SNX18: variants seen among roughly 807,000 people sequenced by gnomAD.
SNX18 encodes the protein sorting nexin 18.
SNX18 carries 35 observed loss-of-function variants against 48.7 expected under a neutral mutation model. The observed-to-expected ratio is 0.72, with a 90% CI of 0.55 to 0.95. The LOEUF (loss-of-function observed/expected upper bound fraction) is 0.95. SNX18 is among the 40% of genes least tolerant of loss of function. The probability of loss-of-function intolerance (pLI) is 0.00; values close to 1 mark genes in which losing one functional copy is unlikely to be tolerated. For synonymous variants in SNX18, 492 were observed against 384.7 expected (o/e 1.28, Z -3.26); for missense variants, 824 against 871.0 (o/e 0.95, Z 0.68).
chr5:54,524,332 C>G (rs1580095591), intron 1 of SNX18, among the ~76,000 whole-genome samples: 1 of 152,152 alleles, frequency 6.6e-6, no homozygotes, highest in Non-Finnish European at 1.5e-5. Flanking sequence ...AGCCACATAG[C>G]CTTCAGAGTC....
At chr5:54,561,768 T>C in the SNX18 span, among the ~76,000 whole-genome samples, 5 of 152,254 alleles carry the variant, frequency 3.3e-5, no homozygotes, top group Non-Finnish European at 5.9e-5. Flanking sequence ...ATGTTTGTTA[T>C]GTAGAAATAA....
chr5:54,561,729 T>C, the SNX18 span, among the ~76,000 whole-genome samples: 1 of 152,208 alleles, frequency 6.6e-6, no homozygotes, highest in Non-Finnish European at 1.5e-5. Context: ...TGCTGACATA[T>C]ACATTATGTG....
the SNX18 span, among the ~76,000 whole-genome samples, chr5:54,626,614 G>A: frequency 6.6e-6 from 1 of 152,192 alleles, no homozygotes; most frequent in South Asian, 2.1e-4. Context: ...CTCAACCAGG[G>A]ATAATTTTGC....
chr5:54,557,863 C>T, the SNX18 span, among the ~76,000 whole-genome samples: 1 of 152,226 alleles, frequency 6.6e-6, no homozygotes, highest in East Asian at 1.9e-4. Context: ...CTGTGTTGGA[C>T]GCTCCCATGT....
At chr5:54,529,352 A>T (rs1345263026) in intron 1 of SNX18, among the ~76,000 whole-genome samples, 1 of 152,172 alleles carries the variant, frequency 6.6e-6, no homozygotes, top group Non-Finnish European at 1.5e-5. Context: ...CACGGGCCAG[A>T]TTCACCCAGG....
the SNX18 span, among the ~76,000 whole-genome samples, chr5:54,639,749 G>A: frequency 1.3e-5 from 2 of 152,174 alleles, no homozygotes; most frequent in Non-Finnish European, 2.9e-5. Context: ...AGCTTATCTA[G>A]GCCTGAATAA....
chr5:54,609,405 A>G, the SNX18 span, among the ~76,000 whole-genome samples: 6 of 152,058 alleles, frequency 3.9e-5, no homozygotes, highest in Non-Finnish European at 5.9e-5. Flanking sequence ...TTGTCCCCAA[A>G]ACACATCTTA....
chr5:54,639,281 C>T, the SNX18 span, among the ~76,000 whole-genome samples: 10 of 152,026 alleles, frequency 6.6e-5, no homozygotes, highest in Admixed American at 5.2e-4. Flanking sequence ...GAAGGTGTAT[C>T]ATGTTTTAAA....
chr5:54,581,464 A>C, the SNX18 span, among the ~76,000 whole-genome samples: 1 of 152,048 alleles, frequency 6.6e-6, no homozygotes, highest in African/African-American at 2.4e-5. Context: ...CCCGGCAAAA[A>C]GGAAAATGAC....
chr5:54,541,174 C>T (rs1166185646), intron 1 of SNX18, among the ~76,000 whole-genome samples: 11 of 151,996 alleles, frequency 7.2e-5, no homozygotes, highest in Non-Finnish European at 1.5e-4. Flanking sequence ...ATTACAGGTG[C>T]CCGCCACCAC....
At position 54,518,487 on chromosome 5, in the gene SNX18, C is replaced by G. The variant is rs1374431602; in HGVS notation, c.535C>G (p.Leu179Val). The G allele has an allele frequency of 1.3e-6, 2 of 1,569,928 alleles. No individual in the cohort carries two copies. Among genetic ancestry groups the G allele is most frequent in the East Asian group, 2.4e-5 (1 of 42,140 alleles). ...TCTGGGCAGCGGAGCATACCCGGAC[C>G]TCGACGGCTCGTCTTCGGCGGGTGT... is the stretch of plus-strand genomic sequence containing the variant. ...GALGSGAYPD[L>V]DGSSSAGVGA... is the part of the protein sequence containing the mutation. The change falls in exon 1 of 2, where the codon CTC becomes GTC. Residue 179 changes from leucine to valine, a missense_variant. By Grantham distance (32) the Leu-to-Val change is conservative. Coordinates refer to ENST00000381410, the MANE Select transcript of SNX18 (RefSeq NM_001102575.2).
the SNX18 span, among the ~76,000 whole-genome samples, chr5:54,611,597 G>A: frequency 0.4 from 60,889 of 151,972 alleles, 12,654 homozygotes; most frequent in East Asian, 0.51. Flanking sequence ...CTAGGAAATC[G>A]TGTCTACTGA....
At chr5:54,604,590 T>C in the SNX18 span, among the ~76,000 whole-genome samples, 2 of 152,164 alleles carry the variant, frequency 1.3e-5, no homozygotes, top group Admixed American at 6.5e-5. Flanking sequence ...GAAGGTATCA[T>C]AGAGGTTACC....
the SNX18 span, among the ~76,000 whole-genome samples, chr5:54,586,472 G>A: frequency 6.6e-6 from 1 of 152,144 alleles, no homozygotes; most frequent in South Asian, 2.1e-4. Flanking sequence ...TTGACTCATG[G>A]TTCTAGAGGC....
chr5:54,547,052 G>C (rs111497387), downstream of SNX18, among the ~76,000 whole-genome samples: 37 of 152,356 alleles, frequency 2.4e-4, no homozygotes, highest in Admixed American at 5.2e-4. Flanking sequence ...TTGTAGTCTT[G>C]TATCTGCTTA....
chr5:54,530,501 T>C (rs887713592), intron 1 of SNX18, among the ~76,000 whole-genome samples: 4 of 152,058 alleles, frequency 2.6e-5, no homozygotes, highest in East Asian at 1.9e-4. Context: ...TGTTAGAAAA[T>C]TGACTTATTC....
the SNX18 span, among the ~76,000 whole-genome samples, chr5:54,616,760 C>T: frequency 2.0e-5 from 3 of 149,374 alleles, no homozygotes; most frequent in Non-Finnish European, 4.5e-5. Flanking sequence ...CAGAGCAAGA[C>T]TCCATCTCAA....
the SNX18 span, among the ~76,000 whole-genome samples, chr5:54,616,442 C>A: frequency 1.3e-5 from 2 of 152,144 alleles, no homozygotes; most frequent in South Asian, 4.1e-4. Flanking sequence ...GATTGTAAAA[C>A]CACATCCCAA....
the SNX18 span, among the ~76,000 whole-genome samples, chr5:54,631,155 T>A: frequency 8.9e-4 from 136 of 152,352 alleles, no homozygotes; most frequent in African/African-American, 3.2e-3. Flanking sequence ...TCCTGCCATC[T>A]CCATTTGGAG....
Sources: allele counts gnomAD v4.1 joint callset (sites outside exome capture counted in the v4.1 genomes callset), GRCh38; gene constraint gnomAD v4.1.1; transcripts MANE v1.5; gene names NCBI Gene and HGNC (gene_info 2026-07-23, HGNC 2026-07-21).